GRIK2: variants seen among roughly 807,000 people sequenced by gnomAD.
The protein encoded by GRIK2 is glutamate receptor ionotropic, kainate 2.
Under a neutral mutation model 100.3 loss-of-function variants are expected in GRIK2, and 32 were observed. The observed-to-expected ratio is 0.32, with a 90% CI of 0.24 to 0.43. GRIK2 has a LOEUF of 0.43. Among genes scored for constraint, GRIK2 ranks in the 20% least tolerant of loss-of-function variants. The pLI is 1.00. For missense variants in GRIK2, 843 were observed against 1,114.9 expected (o/e 0.76, Z 3.47); for synonymous variants, 417 against 389.4 (o/e 1.07, Z -0.83).
chr6:101,409,747 T>A (rs143714294), intron 2 of GRIK2, among the ~76,000 whole-genome samples: 4 of 152,012 alleles, frequency 2.6e-5, no homozygotes, highest in African/African-American at 9.7e-5. Flanking sequence ...TTGGATTTAA[T>A]AGGAAAATGT....
chr6:101,481,808 C>G (rs1305005253), intron 2 of GRIK2, among the ~76,000 whole-genome samples: 1 of 152,098 alleles, frequency 6.6e-6, no homozygotes, highest in East Asian at 1.9e-4. Flanking sequence ...CCCGTAATCC[C>G]CACGTGTCAA....
chr6:101,901,998 G>A (rs1787877075), intron 12 of GRIK2, among the ~76,000 whole-genome samples: 2 of 150,588 alleles, frequency 1.3e-5, no homozygotes, highest in African/African-American at 4.9e-5. Context: ...ATAATGTCGA[G>A]CAATTCATGA....
chr6:101,918,545 T>A (rs1015650791), intron 12 of GRIK2, among the ~76,000 whole-genome samples: 6 of 151,832 alleles, frequency 4.0e-5, no homozygotes, highest in Non-Finnish European at 8.8e-5. Context: ...GATTATATAC[T>A]TTCAGCTAAC....
At chr6:101,787,688 A>G (rs978484226) in intron 7 of GRIK2, among the ~76,000 whole-genome samples, 1 of 151,978 alleles carries the variant, frequency 6.6e-6, no homozygotes, top group Non-Finnish European at 1.5e-5. Flanking sequence ...CACCTTTTCA[A>G]CTTTTAAAAG....
intron 2 of GRIK2, among the ~76,000 whole-genome samples, chr6:101,446,536 T>A (rs1250191035): frequency 6.6e-6 from 1 of 151,850 alleles, no homozygotes; most frequent in Non-Finnish European, 1.5e-5. Context: ...ATGGTTTTAG[T>A]AGCATAAAAT....
At chr6:102,020,688 G>A (rs1582736511) in intron 14 of GRIK2, among the ~76,000 whole-genome samples, 1 of 151,908 alleles carries the variant, frequency 6.6e-6, no homozygotes, top group East Asian at 1.9e-4. Context: ...AAAGCCTTGG[G>A]AAAGTTTGAT....
chr6:101,977,901 G>A (rs778484301), intron 14 of GRIK2, among the ~76,000 whole-genome samples: 5 of 151,928 alleles, frequency 3.3e-5, no homozygotes, highest in Admixed American at 6.6e-5. Context: ...AACTTTCCTG[G>A]AGGTGGACTA....
intron 7 of GRIK2, among the ~76,000 whole-genome samples, chr6:101,775,601 C>A (rs556146239): frequency 7.3e-5 from 11 of 150,558 alleles, no homozygotes; most frequent in African/African-American, 2.7e-4. Context: ...TTATAATAAA[C>A]TATAAATTCA....
intron 7 of GRIK2, among the ~76,000 whole-genome samples, chr6:101,779,895 G>A (rs1386588587): frequency 6.6e-6 from 1 of 151,874 alleles, no homozygotes; most frequent in Non-Finnish European, 1.5e-5. Flanking sequence ...ATATAAAATT[G>A]TAGTTGAAAG....
intron 14 of GRIK2, among the ~76,000 whole-genome samples, chr6:101,933,404 G>A (rs536590669): frequency 4.0e-5 from 6 of 151,850 alleles, no homozygotes; most frequent in African/African-American, 1.2e-4. Flanking sequence ...CTTACATGTA[G>A]CTAAAACTAG....
chr6:101,934,391 A>T (rs1247584698), intron 14 of GRIK2, among the ~76,000 whole-genome samples: 2 of 151,844 alleles, frequency 1.3e-5, no homozygotes, highest in Non-Finnish European at 2.9e-5. Context: ...TCTGCCACTT[A>T]TTCTGATCTT....
intron 2 of GRIK2, among the ~76,000 whole-genome samples, chr6:101,498,234 A>G (rs1482616360): frequency 2.6e-5 from 4 of 151,082 alleles, no homozygotes; most frequent in Non-Finnish European, 5.9e-5. Context: ...TCCATGGTGT[A>G]TATGTGCCAC....
chr6:101,496,199 A>G (rs2518240), intron 2 of GRIK2, among the ~76,000 whole-genome samples: 90,217 of 151,920 alleles, frequency 0.59, 27,561 homozygotes, highest in South Asian at 0.76. Context: ...CGCTTGTCTC[A>G]GCCTCCCAAA....
chr6:101,923,527 G>T (rs930395799), intron 12 of GRIK2, among the ~76,000 whole-genome samples: 1 of 152,098 alleles, frequency 6.6e-6, no homozygotes. Flanking sequence ...AATTAGATTT[G>T]ATTTTTTAAA....
chr6:101,717,026 G>A lies in GRIK2; in HGVS notation c.951+30673G>A, dbSNP rs965238435. Among the ~76,000 whole-genome samples the A allele has an allele frequency of 6.3e-4, 96 of 151,784 alleles. 1 individual carries two copies. The highest frequency in any genetic ancestry group is 5.3e-4 in the Admixed American group (8 of 15,172). ...ATACTTGGAGAAAAGTGTGTAAATT[G>A]ATATGCAAATGATCTTTTCCCCTTA... On this transcript the variant is annotated intron_variant, in intron 7 of 16. Transcript: ENST00000369134.
At chr6:101,579,023 C>G (rs1777921324) in intron 2 of GRIK2, among the ~76,000 whole-genome samples, 1 of 151,898 alleles carries the variant, frequency 6.6e-6, no homozygotes, top group South Asian at 2.1e-4. Context: ...CAGAAGTTAG[C>G]AAAATATTGT....
intron 2 of GRIK2, among the ~76,000 whole-genome samples, chr6:101,590,458 C>T (rs1193469411): frequency 6.6e-6 from 1 of 151,976 alleles, no homozygotes; most frequent in Non-Finnish European, 1.5e-5. Context: ...TTAGTGTGTT[C>T]TCCAACCCCT....
intron 7 of GRIK2, among the ~76,000 whole-genome samples, chr6:101,688,121 TA>T (rs994031206): frequency 1.2e-4 from 17 of 147,368 alleles, no homozygotes; most frequent in African/African-American, 2.7e-4. Context: ...AAATATTATA[TA>T]AAAATATTTA....
intron 10 of GRIK2, among the ~76,000 whole-genome samples, chr6:101,854,185 A>G (rs1243797445): frequency 6.6e-6 from 1 of 152,150 alleles, no homozygotes; most frequent in African/African-American, 2.4e-5. Flanking sequence ...TAGGAGGGGT[A>G]GGGAGATATG....
Sources: allele counts gnomAD v4.1 joint callset (sites outside exome capture counted in the v4.1 genomes callset), GRCh38; gene constraint gnomAD v4.1.1; transcripts MANE v1.5; gene names NCBI Gene and HGNC (gene_info 2026-07-23, HGNC 2026-07-21).